The following ATM variants were observed in gnomAD, a reference collection of about 807,000 sequenced individuals.
ATM encodes ATM serine/threonine kinase.
ATM carries 308 observed loss-of-function variants against 387.0 expected under a neutral mutation model. The observed-to-expected ratio is 0.80, with a 90% CI of 0.73 to 0.87. ATM has a LOEUF of 0.87. Among genes scored for constraint, ATM ranks in the 40% least tolerant of loss-of-function variants. ATM has a pLI of 0.00. For synonymous variants in ATM, 1,156 were observed against 1,187.3 expected (o/e 0.97, Z 0.54); for missense variants, 3,312 against 3,560.9 (o/e 0.93, Z 1.78).
chr11:108,328,397 C>T (rs2085905957), intron 48 of ATM, among the ~76,000 whole-genome samples: 1 of 152,164 alleles, frequency 6.6e-6, no homozygotes, highest in Non-Finnish European at 1.5e-5. Context: ...CAGGAGTGTG[C>T]CACCACACCC....
chr11:108,245,840 T>C (rs2079821788), intron 7 of ATM, among the ~76,000 whole-genome samples: 1 of 150,500 alleles, frequency 6.6e-6, no homozygotes, highest in Admixed American at 6.6e-5. Flanking sequence ...TTTTTTTTTT[T>C]TTGAGACAGA....
chr11:108,231,668 C>G (rs1370598581), intron 4 of ATM: 1 of 137,916 alleles, frequency 7.3e-6, no homozygotes, highest in Non-Finnish European at 1.5e-5. Flanking sequence ...TGCACTCCAG[C>G]CTGGGCAACA....
rs730881320 is a variant in ATM at position 108,335,002 on chromosome 11, A to G, written c.8044A>G (p.Thr2682Ala). ...DHTGEYGNLV[T>A]IQSFKAEFRL... The stretch of plus-strand genomic sequence containing the variant: ...CACAGGAGAATATGGAAATCTGGTG[A>G]CTATACAGTCATTTAAAGCAGAATT... Residue 2682 changes from threonine to alanine, a missense_variant, in exon 55 of 63, where the codon ACT (threonine) becomes GCT (alanine). Thr to Ala is a moderately conservative substitution (Grantham distance 58). This residue lies in a region of ATM where 1,405 missense variants were observed against 1,604.4 expected (regional missense o/e 0.88). Coordinates refer to ENST00000675843, the MANE Select transcript of ATM (RefSeq NM_000051.4). 1 of 1,613,696 alleles carries G rather than the reference A, an allele frequency of 6.2e-7. No homozygotes were observed. Among genetic ancestry groups the G allele is most frequent in the Non-Finnish European group, 8.5e-7 (1 of 1,179,644 alleles).
chr11:108,307,827 A>G, intron 37 of ATM, 70 bp from the exon 38 acceptor site: 1 of 1,389,588 alleles, frequency 7.2e-7, no homozygotes, highest in Non-Finnish European at 1.0e-6. Flanking sequence ...AGACAGACAC[A>G]TAAACAAGAA....
intron 33 of ATM, among the ~76,000 whole-genome samples, chr11:108,299,036 C>G (rs1036015201): frequency 6.6e-6 from 1 of 152,130 alleles, no homozygotes; most frequent in South Asian, 2.1e-4. Flanking sequence ...TAAGTACAGA[C>G]CACACTCAAC....
rs587781990 is a variant in ATM at position 108,335,082 on chromosome 11, T to C, written c.8124T>C (p.Asp2708=). The C allele has an allele frequency of 1.2e-6, 2 of 1,614,148 alleles. No individual in the cohort carries two copies. The highest frequency in any genetic ancestry group is 1.7e-6 in the Non-Finnish European group (2 of 1,179,992). ...LPKIIDCVGS[D]GKERRQLVKG... is the part of the protein sequence containing the mutation. Reference sequence around the variant, plus strand: ...AAATAATAGATTGTGTAGGTTCCGATGGCAAGGAGAGGAGACAGCTTGTTA... The same window carrying C: ...AAATAATAGATTGTGTAGGTTCCGACGGCAAGGAGAGGAGACAGCTTGTTA... The change falls in exon 55 of 63, where the codon GAT becomes GAC. Residue 2708 remains aspartate (D), a synonymous_variant. Coordinates refer to ENST00000675843, the MANE Select transcript of ATM (RefSeq NM_000051.4).
At chr11:108,329,858 A>G (rs1352206122) in intron 49 of ATM, among the ~76,000 whole-genome samples, 1 of 148,536 alleles carries the variant, frequency 6.7e-6, no homozygotes, top group Non-Finnish European at 1.5e-5. Context: ...GTTTGTTGGT[A>G]TCATAGTGGA....
At chr11:108,343,413 A>G (rs2136957865) in intron 57 of ATM, 42 bp downstream of exon 57, 1 of 1,609,298 alleles carries the variant, frequency 6.2e-7, no homozygotes, top group East Asian at 2.2e-5. Flanking sequence ...AAGATTATTT[A>G]ATGGCTTATT....
chr11:108,354,359 C>G (rs935724358), intron 60 of ATM, among the ~76,000 whole-genome samples: 8 of 152,150 alleles, frequency 5.3e-5, no homozygotes, highest in African/African-American at 1.9e-4. Flanking sequence ...GTGCTCATCA[C>G]TGTGCATATA....
intron 23 of ATM, among the ~76,000 whole-genome samples, chr11:108,280,676 A>G (rs1408128402): frequency 2.0e-5 from 3 of 152,186 alleles, no homozygotes; most frequent in East Asian, 1.9e-4. Flanking sequence ...GAGGATAACT[A>G]TAATGTTTGG....
chr11:108,232,920 T>C (rs1299248544), intron 4 of ATM, among the ~76,000 whole-genome samples: 1 of 151,904 alleles, frequency 6.6e-6, no homozygotes, highest in East Asian at 1.9e-4. Flanking sequence ...TAGAGTGCAA[T>C]GGCGCCATCT....
chr11:108,312,443 C>T lies in ATM; in HGVS notation c.5951C>T (p.Thr1984Ile). 6.3e-7 allele frequency: 1 copy of T among 1,596,680 alleles called. No individual in the cohort carries two copies. Among genetic ancestry groups the T allele is most frequent in the East Asian group, 2.2e-5 (1 of 44,640 alleles). ...GCATTTGAAGAAGGAAGCCAGAGTA[C>T]AACTATTTCTAGCTTGAGTGAAAAA... ...SLAFEEGSQSTTISSLSEKSK... is the reference protein window; with the variant it reads ...SLAFEEGSQSITISSLSEKSK... Residue 1984 changes from threonine (T) to isoleucine (I), a missense_variant, in exon 40 of 63, where the codon ACA becomes ATA. Thr to Ile is a moderately conservative substitution (Grantham distance 89). Around this residue, in one of 4 missense-constraint regions of ATM, gnomAD observed 1,405 missense variants for 1,604.4 expected, o/e 0.88. Transcript: ENST00000675843.
At chr11:108,299,937 A>T (rs1042033115) in intron 34 of ATM, 52 bp downstream of exon 34, 2 of 1,504,026 alleles carry the variant, frequency 1.3e-6, no homozygotes, top group African/African-American at 2.8e-5. Context: ...ATTCATGGAG[A>T]ATGATACTTC....
At chr11:108,228,688 C>T (rs2078859451) in intron 3 of ATM, among the ~76,000 whole-genome samples, 2 of 152,080 alleles carry the variant, frequency 1.3e-5, no homozygotes, top group South Asian at 4.1e-4. Flanking sequence ...ATTTTAAATA[C>T]CACAAATATA....
intron 56 of ATM, among the ~76,000 whole-genome samples, chr11:108,337,607 C>T (rs187504233): frequency 6.6e-6 from 1 of 152,314 alleles, no homozygotes; most frequent in Admixed American, 6.5e-5. Context: ...AGGGACAACA[C>T]TTTGAGACCC....
At chr11:108,334,070 T>C in intron 54 of ATM, 102 bp downstream of exon 54, 3 of 891,252 alleles carry the variant, frequency 3.4e-6, no homozygotes, top group South Asian at 2.8e-5. Context: ...TGGTTAAATA[T>C]TGGCAAATTT....
At position 108,311,879 on chromosome 11, in the gene ATM, A is replaced by C. The variant is rs145043577; in HGVS notation, c.5919-532A>C. 7.8e-3 allele frequency among the ~76,000 whole-genome samples: 1,183 copies of C among 152,320 alleles called. 11 individuals carry two copies. The highest frequency in any genetic ancestry group is 0.025 in the African/African-American group (1,051 of 41,562). Reference sequence around the variant, plus strand: ...TGAATGTTATATGTATAAAATGCATAAAGTTAAGGCCTTGAAGTAGGCAAA... The same window carrying C: ...TGAATGTTATATGTATAAAATGCATCAAGTTAAGGCCTTGAAGTAGGCAAA... On this transcript the variant is annotated intron_variant, in intron 39 of 62. Transcript: ENST00000675843.
intron 16 of ATM, among the ~76,000 whole-genome samples, chr11:108,261,282 G>T (rs2080866899): frequency 6.6e-6 from 1 of 152,222 alleles, no homozygotes; most frequent in Admixed American, 6.5e-5. Flanking sequence ...CACAGCTGGA[G>T]ATCTGAGAAC....
intron 9 of ATM, 116 bp downstream of exon 9, chr11:108,249,218 C>G: frequency 8.4e-7 from 1 of 1,190,630 alleles, no homozygotes; most frequent in South Asian, 1.3e-5. Context: ...TTGTCTACCC[C>G]CAAACCTATT....
Sources: gnomAD v4.1 joint callset for allele counts (sites outside exome capture counted in the v4.1 genomes callset) on GRCh38, gnomAD v4.1.1 for gene constraint, gnomAD v4.1.1 regional missense constraint, MANE v1.5 for transcripts, NCBI Gene and HGNC (gene_info 2026-07-23, HGNC 2026-07-21) for gene names.